The following CFTR variants were observed in gnomAD, a reference collection of about 807,000 sequenced individuals.
The protein encoded by CFTR is cystic fibrosis transmembrane conductance regulator.
A neutral mutation model predicts 171.6 loss-of-function variants in CFTR; 181 were observed. That is an observed-to-expected ratio of 1.05 (90% CI 0.93 to 1.19). The LOEUF (loss-of-function observed/expected upper bound fraction) is 1.19, where lower values mean the gene tolerates loss of function less well. CFTR is among the 50% of genes most tolerant of loss of function. The pLI is 0.00. For missense variants in CFTR, 1,968 were observed against 1,734.7 expected, an observed-to-expected ratio of 1.13 and a Z score of -2.39; for synonymous variants, 583 against 608.0, an observed-to-expected ratio of 0.96 and a Z score of 0.60.
At position 117,493,707 on chromosome 7, in the gene CFTR, A is replaced by G. The variant is rs552305509; in HGVS notation, c.54-10546A>G. Among the ~76,000 whole-genome samples, 25 of 152,270 alleles carry G rather than the reference A, an allele frequency of 1.6e-4. 1 individual carries two copies. The South Asian group carries it at 5.2e-3, about 32-fold the overall frequency. ...TACTGCTCCCCAAAAAGAGAAGTAA[A>G]GAAGATGCTAACTTTCCCTTTTAAT... On this transcript the variant is annotated intron_variant, in intron 1 of 26. Coordinates refer to ENST00000003084, the MANE Select transcript of CFTR (RefSeq NM_000492.4).
chr7:117,617,390 T>C (rs571519041), intron 21 of CFTR, among the ~76,000 whole-genome samples: 4 of 152,158 alleles, frequency 2.6e-5, no homozygotes, highest in Admixed American at 1.3e-4. Flanking sequence ...TAAGTTGCAT[T>C]GTGTTTATGA....
At chr7:117,566,015 C>T (rs1791595988) in intron 11 of CFTR, among the ~76,000 whole-genome samples, 1 of 152,106 alleles carries the variant, frequency 6.6e-6, no homozygotes, top group Non-Finnish European at 1.5e-5. Flanking sequence ...GAAACTTAGC[C>T]TTTGAATGGT....
At chr7:117,619,351 G>T (rs1201848314) in intron 21 of CFTR, among the ~76,000 whole-genome samples, 1 of 152,186 alleles carries the variant, frequency 6.6e-6, no homozygotes, top group Non-Finnish European at 1.5e-5. Flanking sequence ...GTGACAAGGT[G>T]ATGCTTCAAA....
rs1031019109 is a variant in CFTR, at chr7:117,631,582, G to A, written c.3717+3812G>A. Among the ~76,000 whole-genome samples, 3 of 152,250 alleles carry A rather than the reference G, an allele frequency of 2.0e-5. No homozygotes were observed. In the South Asian group the frequency reaches 6.2e-4, roughly 32 times the overall value. ...CCTATGTAATGAAGCCACCCGATAA[G>A]CCTTAACTGGAACTTTTTGGAGAGC... On this transcript the variant is annotated intron_variant, in intron 22 of 26. Coordinates refer to ENST00000003084, the MANE Select transcript of CFTR (RefSeq NM_000492.4).
intron 23 of CFTR, 90 bp downstream of exon 23, chr7:117,642,683 C>G: frequency 1.5e-6 from 2 of 1,356,556 alleles, no homozygotes; most frequent in South Asian, 2.5e-5. Flanking sequence ...TCATATTACT[C>G]TGCAAAATAT....
chr7:117,639,451 T>A, intron 22 of CFTR, among the ~76,000 whole-genome samples: 1 of 152,128 alleles, frequency 6.6e-6, no homozygotes, highest in Non-Finnish European at 1.5e-5. Context: ...GGAACTTAAT[T>A]TGGAGTCAGA....
chr7:117,572,514 TATC>T (rs1376728330), intron 11 of CFTR, among the ~76,000 whole-genome samples: 1 of 152,218 alleles, frequency 6.6e-6, no homozygotes, highest in African/African-American at 2.4e-5. Flanking sequence ...TGTTGATAGA[TATC>T]ATACAGGGCC....
At chr7:117,590,528 G>A in intron 13 of CFTR, 89 bp downstream of exon 13, 3 of 1,456,580 alleles carry the variant, frequency 2.1e-6, no homozygotes, top group Non-Finnish European at 2.8e-6. Flanking sequence ...TTTACCTCTT[G>A]AGAAATATGT....
Position 117,592,705 on chromosome 7 carries a change from A to C in CFTR, c.2490+48A>C, listed in dbSNP as rs1792054765. 3.4e-6 allele frequency: 5 copies of C among 1,451,184 alleles called. No homozygotes were observed. The East Asian group carries it at 1.2e-4, about 34-fold the overall frequency. 89.9% of individuals were successfully genotyped at this position (1,451,184 alleles called of 1,614,324 possible). On this transcript the variant is annotated intron_variant, in intron 14 of 26. Coordinates refer to ENST00000003084, the MANE Select transcript of CFTR (RefSeq NM_000492.4). ...TATTTCACCCCACAGAATGCAATTG[A>C]GTAGAATGCAATATGTAGCATGTAA...
chr7:117,606,783 T>C (rs1337844479), intron 18 of CFTR, 30 bp downstream of exon 18: 1 of 1,155,988 alleles, frequency 8.7e-7, no homozygotes, highest in Non-Finnish European at 1.3e-6. Context: ...GTTAAGTATG[T>C]CTGTATTATT....
chr7:117,573,962 G>A (rs147109285), intron 11 of CFTR, among the ~76,000 whole-genome samples: 1 of 152,160 alleles, frequency 6.6e-6, no homozygotes, highest in African/African-American at 2.4e-5. Flanking sequence ...AGTAGAATTT[G>A]TCCCTGTGTG....
intron 9 of CFTR, among the ~76,000 whole-genome samples, chr7:117,542,602 A>C (rs1178883410): frequency 6.6e-6 from 1 of 152,144 alleles, no homozygotes; most frequent in African/African-American, 2.4e-5. Flanking sequence ...TATTAAATGC[A>C]ATATAAAAGC....
chr7:117,491,703 G>A (rs1798162275), intron 1 of CFTR, among the ~76,000 whole-genome samples: 1 of 151,964 alleles, frequency 6.6e-6, no homozygotes, highest in African/African-American at 2.4e-5. Flanking sequence ...AAGGACACCA[G>A]TCATATTGGA....
At chr7:117,512,101 C>A (rs1798528726) in intron 3 of CFTR, among the ~76,000 whole-genome samples, 1 of 152,046 alleles carries the variant, frequency 6.6e-6, no homozygotes, top group Non-Finnish European at 1.5e-5. Flanking sequence ...ATAGTTGTGG[C>A]ATAAAAATAT....
chr7:117,524,764 A>G (rs539050783), intron 3 of CFTR, among the ~76,000 whole-genome samples: 1 of 152,332 alleles, frequency 6.6e-6, no homozygotes, highest in East Asian at 1.9e-4. Flanking sequence ...ATGTATGGCA[A>G]TGGGCAAATA....
rs1449323479 is a variant in CFTR, at chr7:117,664,801, T to G, written c.4077T>G (p.Ser1359=). The part of the protein sequence containing the change: ...GHKQLMCLAR[S]VLSKAKILLL... ...AGCAGTTGATGTGCTTGGCTAGATCTGTTCTCAGTAAGGCGAAGATCTTGC... is the reference window on the plus strand; with the variant it reads ...AGCAGTTGATGTGCTTGGCTAGATCGGTTCTCAGTAAGGCGAAGATCTTGC... Residue 1359 remains serine, a synonymous_variant, in exon 25 of 27, where the codon TCT becomes TCG. Coordinates refer to ENST00000003084, the MANE Select transcript of CFTR (RefSeq NM_000492.4). 4.3e-6 allele frequency: 7 copies of G among 1,614,072 alleles called. No homozygotes were observed. The highest frequency in any genetic ancestry group is 5.9e-6 in the Non-Finnish European group (7 of 1,179,930).
intron 1 of CFTR, among the ~76,000 whole-genome samples, chr7:117,494,004 C>T (rs982577351): frequency 3.3e-5 from 5 of 152,070 alleles, no homozygotes; most frequent in Non-Finnish European, 5.9e-5. Context: ...ATTCCAGAAT[C>T]GACTGATCAT....
At chr7:117,640,398 C>G (rs900826780) in intron 22 of CFTR, among the ~76,000 whole-genome samples, 3 of 152,062 alleles carry the variant, frequency 2.0e-5, no homozygotes, top group Admixed American at 2.0e-4. Context: ...GCCTCTTCAT[C>G]CAGTCTTTCC....
intron 18 of CFTR, among the ~76,000 whole-genome samples, chr7:117,609,970 A>G (rs1431842913): frequency 2.6e-5 from 4 of 151,994 alleles, no homozygotes; most frequent in Non-Finnish European, 4.4e-5. Context: ...CTGACTAGGA[A>G]TAGAATGGGG....
Sources: gnomAD v4.1 joint callset for allele counts (sites outside exome capture counted in the v4.1 genomes callset) on GRCh38, gnomAD v4.1.1 for gene constraint, MANE v1.5 for transcripts, NCBI Gene and HGNC (gene_info 2026-07-23, HGNC 2026-07-21) for gene names.